Variants in MTCL3 observed in about 807,000 individuals in gnomAD.
MTCL3 encodes the protein microtubule cross-linking factor 3.
chr6:127,491,878 CAAAAAAAAAAA>C, the MTCL3 span, among the ~76,000 whole-genome samples: 2 of 60,774 alleles, frequency 3.3e-5, no homozygotes, highest in African/African-American at 5.2e-5. Context: ...GACCCTGTCT[CAAAAAAAAAAA>C]AAAAAAAAAA....
the MTCL3 span, among the ~76,000 whole-genome samples, chr6:127,499,758 T>A: frequency 1.3e-5 from 2 of 152,294 alleles, no homozygotes; most frequent in East Asian, 3.9e-4. Context: ...TTACCCAGGC[T>A]TTCTCCCCAT....
At chr6:127,515,063 G>T in the MTCL3 span, 1 of 1,610,072 alleles carries the variant, frequency 6.2e-7, no homozygotes. This position sits in a 1 kb window ranked among gnomAD's most constrained non-coding sequence, Gnocchi z 4.3. Context: ...GCGGTGACAG[G>T]CCGCGTGTCA....
chr6:127,479,432 G>A, the MTCL3 span, among the ~76,000 whole-genome samples: 6 of 152,346 alleles, frequency 3.9e-5, no homozygotes, highest in East Asian at 1.2e-3. Flanking sequence ...AAGCCAGGTA[G>A]GGTTGCATAT....
the MTCL3 span, among the ~76,000 whole-genome samples, chr6:127,486,741 T>A: frequency 1.3e-5 from 2 of 151,946 alleles, no homozygotes; most frequent in East Asian, 1.9e-4. Context: ...AATTAGAGAG[T>A]TTTGCCAGTA....
chr6:127,474,921 C>G, the MTCL3 span, among the ~76,000 whole-genome samples: 1 of 152,150 alleles, frequency 6.6e-6, no homozygotes, highest in Non-Finnish European at 1.5e-5. Flanking sequence ...TATTCCTATC[C>G]AGGACCATCT....
At chr6:127,507,597 G>A in the MTCL3 span, among the ~76,000 whole-genome samples, 1 of 151,958 alleles carries the variant, frequency 6.6e-6, no homozygotes, top group South Asian at 2.1e-4. Context: ...CTTTAAAAAT[G>A]CATTCATAGG....
chr6:127,475,679 A>T, the MTCL3 span: 2 of 1,585,596 alleles, frequency 1.3e-6, no homozygotes, highest in Non-Finnish European at 1.7e-6. The surrounding 1 kb of genome is among the most constrained non-coding windows in gnomAD (Gnocchi z 7.3). Flanking sequence ...ACCTCCTCCG[A>T]GTCGCTCTCG....
chr6:127,496,642 C>A, the MTCL3 span, among the ~76,000 whole-genome samples: 2 of 152,170 alleles, frequency 1.3e-5, no homozygotes, highest in African/African-American at 2.4e-5. Context: ...CAGCATTGTT[C>A]ATAATAACCA....
chr6:127,502,193 A>G, the MTCL3 span, among the ~76,000 whole-genome samples: 1 of 152,234 alleles, frequency 6.6e-6, no homozygotes, highest in South Asian at 2.1e-4. Context: ...TTAGCTGTGG[A>G]GTCAATAAAA....
the MTCL3 span, chr6:127,516,680 C>T: frequency 3.6e-4 from 543 of 1,521,310 alleles, 8 homozygotes; most frequent in South Asian, 5.5e-3. Flanking sequence ...CCCTCTTCAC[C>T]GCCGCCAACC....
At chr6:127,511,970 G>C in the MTCL3 span, among the ~76,000 whole-genome samples, 2 of 152,180 alleles carry the variant, frequency 1.3e-5, no homozygotes, top group African/African-American at 4.8e-5. Flanking sequence ...GCTTATCCAA[G>C]CAGAGGAAAT....
chr6:127,486,905 A>C, the MTCL3 span, among the ~76,000 whole-genome samples: 1 of 152,204 alleles, frequency 6.6e-6, no homozygotes, highest in Non-Finnish European at 1.5e-5. Context: ...TGTGCCTAAC[A>C]TGCTACCAAA....
the MTCL3 span, among the ~76,000 whole-genome samples, chr6:127,494,290 CA>C: frequency 1.3e-5 from 2 of 151,960 alleles, no homozygotes; most frequent in African/African-American, 4.8e-5. Context: ...AATTTAGGTA[CA>C]TCAGAAACTT....
At chr6:127,510,679 T>C in the MTCL3 span, among the ~76,000 whole-genome samples, 2 of 152,216 alleles carry the variant, frequency 1.3e-5, no homozygotes, top group Non-Finnish European at 1.5e-5. Context: ...TACTTGAATG[T>C]TTACAATTTA....
the MTCL3 span, chr6:127,473,428 A>G: frequency 5.0e-6 from 7 of 1,413,974 alleles, 1 homozygote; most frequent in South Asian, 6.9e-5. Context: ...AGAAGAGTTA[A>G]TTAATAATAA....
chr6:127,484,415 T>C, the MTCL3 span, among the ~76,000 whole-genome samples: 1 of 152,150 alleles, frequency 6.6e-6, no homozygotes, highest in Non-Finnish European at 1.5e-5. Flanking sequence ...GCTTGGGGAC[T>C]GACTCACCAT....
chr6:127,507,877 A>G, the MTCL3 span, among the ~76,000 whole-genome samples: 6 of 151,662 alleles, frequency 4.0e-5, no homozygotes, highest in Non-Finnish European at 8.8e-5. Context: ...AAAAGAAAAA[A>G]AATGCATTCA....
the MTCL3 span, among the ~76,000 whole-genome samples, chr6:127,480,892 A>C: frequency 3.3e-5 from 5 of 152,202 alleles, no homozygotes; most frequent in Non-Finnish European, 5.9e-5. Flanking sequence ...TGGGTTTTTT[A>C]AAAGTGACAG....
At chr6:127,479,860 C>A in the MTCL3 span, among the ~76,000 whole-genome samples, 5 of 152,246 alleles carry the variant, frequency 3.3e-5, no homozygotes, top group South Asian at 8.3e-4. Context: ...TGTAACCCAA[C>A]TATTGTAGGC....
Sources: allele counts gnomAD v4.1 joint callset (sites outside exome capture counted in the v4.1 genomes callset), GRCh38; gene constraint gnomAD v4.1.1; non-coding constraint Gnocchi (gnomAD v3.1); transcripts MANE v1.5; gene names NCBI Gene and HGNC (gene_info 2026-07-23, HGNC 2026-07-21).